The following CFAP61 variants were observed in gnomAD, a reference collection of about 807,000 sequenced individuals.
The protein encoded by CFAP61 is cilia and flagella associated protein 61, also known as cilia- and flagella-associated protein 61.
A neutral mutation model predicts 135.6 loss-of-function variants in CFAP61; 107 were observed. The observed-to-expected ratio is 0.79, with a 90% CI of 0.67 to 0.93. The LOEUF is 0.93. CFAP61 is among the 40% of genes least tolerant of loss of function. The pLI is 0.00. For missense variants in CFAP61, 1,507 were observed against 1,556.2 expected (o/e 0.97, Z 0.53); for synonymous variants, 575 against 578.5 (o/e 0.99, Z 0.09).
intron 15 of CFAP61, 52 bp downstream of exon 15, chr20:20,191,471 G>T: frequency 7.3e-7 from 1 of 1,371,768 alleles, no homozygotes; most frequent in South Asian, 1.2e-5. Flanking sequence ...GCTATATCAT[G>T]AATTAGCCCA....
At chr20:20,343,137 G>A (rs547023112) in intron 26 of CFAP61, among the ~76,000 whole-genome samples, 4 of 152,268 alleles carry the variant, frequency 2.6e-5, no homozygotes, top group East Asian at 1.9e-4. Flanking sequence ...GATTACAGGC[G>A]TGAGCCATCG....
chr20:20,296,649 T>C (rs2055651757), intron 24 of CFAP61, among the ~76,000 whole-genome samples: 1 of 152,162 alleles, frequency 6.6e-6, no homozygotes, highest in Admixed American at 6.5e-5. Context: ...AAGCTGCAGA[T>C]AGTCAAATAA....
chr20:20,053,919 A>G (rs1208994316), intron 1 of CFAP61, among the ~76,000 whole-genome samples: 2 of 151,724 alleles, frequency 1.3e-5, no homozygotes, highest in African/African-American at 4.8e-5. Context: ...AAGTACAAAC[A>G]TGCTAGAATA....
At chr20:20,303,173 A>G (rs1368757293) in intron 25 of CFAP61, among the ~76,000 whole-genome samples, 1 of 152,216 alleles carries the variant, frequency 6.6e-6, no homozygotes, top group Non-Finnish European at 1.5e-5. Context: ...GGGGAATGAT[A>G]TGCTAAGACT....
intron 6 of CFAP61, chr20:20,085,660 G>A (rs184884851): frequency 9.6e-4 from 475 of 496,166 alleles, no homozygotes; most frequent in Non-Finnish European, 1.4e-3. Flanking sequence ...TGTGTCCATC[G>A]TATATTTAAA....
intron 6 of CFAP61, among the ~76,000 whole-genome samples, chr20:20,084,401 C>CCTGCTGCTGCTGCTG (rs3060422): frequency 1.2e-3 from 174 of 150,806 alleles, no homozygotes; most frequent in African/African-American, 3.9e-3. Flanking sequence ...GCGGAGGTGG[C>CCTGCTGCTGCTGCTG]CTGCTGCTGC....
At chr20:20,076,345 C>T (rs1053215818) in intron 6 of CFAP61, among the ~76,000 whole-genome samples, 1 of 152,156 alleles carries the variant, frequency 6.6e-6, no homozygotes, top group African/African-American at 2.4e-5. Flanking sequence ...CACATGTTCG[C>T]AAGGGGAGGG....
At chr20:20,354,220 G>A (rs944703268) in intron 26 of CFAP61, among the ~76,000 whole-genome samples, 17 of 151,982 alleles carry the variant, frequency 1.1e-4, no homozygotes, top group African/African-American at 3.1e-4. Context: ...ATAATAATTC[G>A]GGTACAGCCG....
intron 25 of CFAP61, among the ~76,000 whole-genome samples, chr20:20,301,766 G>A (rs1433728671): frequency 6.6e-6 from 1 of 151,980 alleles, no homozygotes; most frequent in Admixed American, 6.6e-5. Context: ...AACTTGTGTT[G>A]GTTATATATT....
chr20:20,319,959 A>C (rs1373830142), intron 25 of CFAP61, among the ~76,000 whole-genome samples: 2 of 152,154 alleles, frequency 1.3e-5, no homozygotes, highest in African/African-American at 4.8e-5. Context: ...ATTGAACCTG[A>C]GTCTGACTAG....
intron 8 of CFAP61, among the ~76,000 whole-genome samples, chr20:20,134,174 ATCCACATAGACTTCATAGCC>A (rs1162222872): frequency 6.6e-6 from 1 of 152,236 alleles, no homozygotes; most frequent in Non-Finnish European, 1.5e-5. Flanking sequence ...TCTTGAGAGC[ATCCACATAGACTTCATAGCC>A]TCCACATAGA....
At chr20:20,356,529 G>C (rs868665036) in intron 26 of CFAP61, among the ~76,000 whole-genome samples, 17 of 74,492 alleles carry the variant, frequency 2.3e-4, no homozygotes, top group East Asian at 1.1e-3. Context: ...GGTGGTCACA[G>C]TGTGAGGGGA....
intron 8 of CFAP61, among the ~76,000 whole-genome samples, chr20:20,127,072 T>G (rs1170704537): frequency 6.6e-6 from 1 of 151,692 alleles, no homozygotes; most frequent in South Asian, 2.1e-4. Flanking sequence ...GAATGTTTTA[T>G]TGTTTTTTCT....
chr20:20,284,188 C>T (rs555558979), intron 22 of CFAP61, among the ~76,000 whole-genome samples: 14 of 152,042 alleles, frequency 9.2e-5, no homozygotes, highest in East Asian at 5.8e-4. Flanking sequence ...CTTTTCTGTT[C>T]CCCCTTGCCT....
At chr20:20,190,365 T>C (rs905320720) in intron 14 of CFAP61, among the ~76,000 whole-genome samples, 26 of 152,288 alleles carry the variant, frequency 1.7e-4, no homozygotes, top group African/African-American at 5.3e-4. Flanking sequence ...CCCCTACAGG[T>C]TGTATCCTCT....
chr20:20,316,574 A>T (rs909493988), intron 25 of CFAP61, among the ~76,000 whole-genome samples: 63 of 151,392 alleles, frequency 4.2e-4, no homozygotes, highest in Non-Finnish European at 8.2e-4. Flanking sequence ...TTCCAACACT[A>T]TGTTGAATAG....
intron 8 of CFAP61, among the ~76,000 whole-genome samples, chr20:20,113,872 C>A (rs7267624): frequency 0.1 from 14,917 of 148,234 alleles, 1,536 homozygotes; most frequent in East Asian, 0.6. Context: ...TATGATAAAT[C>A]TTGATACTGG....
chr20:20,132,216 T>C (rs2424258), intron 8 of CFAP61, among the ~76,000 whole-genome samples: 137,114 of 152,084 alleles, frequency 0.9, 62,624 homozygotes, highest in Middle Eastern at 0.99. Context: ...ACATAGTGTC[T>C]TCAAATTTCA....
At chr20:20,164,020 T>C in intron 10 of CFAP61, 30 bp from the exon 11 acceptor site, 1 of 1,563,796 alleles carries the variant, frequency 6.4e-7, no homozygotes, top group Middle Eastern at 1.7e-4. Flanking sequence ...GACAGGATTC[T>C]CATTGGCTCC....
Sources: gnomAD v4.1 joint callset for allele counts (sites outside exome capture counted in the v4.1 genomes callset) on GRCh38, gnomAD v4.1.1 for gene constraint, MANE v1.5 for transcripts, NCBI Gene and HGNC (gene_info 2026-07-23, HGNC 2026-07-21) for gene names.